KLHL5: variants seen among roughly 807,000 people sequenced by gnomAD.
The protein encoded by KLHL5 is kelch like family member 5.
KLHL5 carries 48 observed loss-of-function variants against 77.7 expected under a neutral mutation model. That is an observed-to-expected ratio of 0.62 (90% CI 0.49 to 0.79). The LOEUF (loss-of-function observed/expected upper bound fraction) is 0.79, where lower values mean the gene tolerates loss of function less well. Ranked by LOEUF, KLHL5 falls within the 30% of genes least tolerant of loss-of-function variation. KLHL5 has a pLI of 0.00. For synonymous variants in KLHL5, 260 were observed against 297.0 expected, an observed-to-expected ratio of 0.88 and a Z score of 1.28; for missense variants, 723 against 859.7, an observed-to-expected ratio of 0.84 and a Z score of 1.99.
chr4:39,086,478 G>A (rs1720047060), intron 4 of KLHL5, 37 bp from the exon 5 acceptor site: 2 of 1,516,706 alleles, frequency 1.3e-6, no homozygotes, highest in Non-Finnish European at 1.8e-6. Context: ...AAGGTCAGAA[G>A]GAACAATATT....
rs961431545 is a variant in KLHL5, at chr4:39,081,558, G to T, written c.703+319G>T. ...TTATGCCTGTAAATCCCAGCACTTC[G>T]GGAAGCCAAGGCAGGACGGATGATC... On this transcript the variant is annotated intron_variant, in intron 3 of 10. Coordinates refer to ENST00000504108, the MANE Select transcript of KLHL5 (RefSeq NM_015990.5). This position sits in a 1 kb window ranked among gnomAD's most constrained non-coding sequence, Gnocchi z 4.3. Among the ~76,000 whole-genome samples, 1 of 151,890 alleles carries T rather than the reference G, an allele frequency of 6.6e-6. No homozygotes were observed. The highest frequency in any genetic ancestry group is 1.9e-4 in the East Asian group (1 of 5,196).
intron 1 of KLHL5, 113 bp downstream of exon 1, chr4:39,063,148 C>A: frequency 5.9e-6 from 4 of 682,984 alleles, no homozygotes; most frequent in East Asian, 3.0e-5. Flanking sequence ...CATCTGCATA[C>A]ATATATATAA....
Position 39,122,171 on chromosome 4 carries a change from C to A in KLHL5, c.*1105C>A, listed in dbSNP as rs1723247252. 6.6e-6 allele frequency: 1 copy of A among 152,514 alleles called. No individual in the cohort carries two copies. The highest frequency in any genetic ancestry group is 1.5e-5 in the Non-Finnish European group (1 of 68,038). The allele number at this position is 152,514 out of a possible 1,614,324, so 9.4% of individuals were successfully genotyped here. On this transcript the variant is annotated 3_prime_UTR_variant, in exon 11 of 11. Coordinates refer to ENST00000504108, the MANE Select transcript of KLHL5 (RefSeq NM_015990.5). Reference sequence around the variant, plus strand: ...TTATTGTTTGCAAAAATGCACTGGGCAGTAACATTTTGTGATAAATCCTAT... The same window carrying A: ...TTATTGTTTGCAAAAATGCACTGGGAAGTAACATTTTGTGATAAATCCTAT...
At chr4:39,095,166 A>T (rs28533189) in intron 5 of KLHL5, among the ~76,000 whole-genome samples, 2,739 of 152,308 alleles carry the variant, frequency 0.018, 86 homozygotes, top group African/African-American at 0.062. Flanking sequence ...AAAGAGGCAG[A>T]TAAAGGAAGA....
chr4:39,121,351 T>G lies in KLHL5; in HGVS notation c.*285T>G. On this transcript the variant is annotated 3_prime_UTR_variant, in exon 11 of 11. Transcript: ENST00000504108. ...TGCACTGCTCTGGAACATAACCCAGTGCTAACTGGGGGTTTCATTTATTCA... is the reference window on the plus strand; with the variant it reads ...TGCACTGCTCTGGAACATAACCCAGGGCTAACTGGGGGTTTCATTTATTCA... The G allele has an allele frequency of 2.6e-6, 1 of 384,946 alleles. No individual in the cohort carries two copies. The highest frequency in any genetic ancestry group is 4.7e-5 in the East Asian group (1 of 21,066). The allele number at this position is 384,946 out of a possible 1,614,324, so 23.8% of individuals were successfully genotyped here.
chr4:39,113,376 G>T (rs1253162379), intron 9 of KLHL5, 144 bp downstream of exon 9: 6 of 639,628 alleles, frequency 9.4e-6, no homozygotes, highest in Non-Finnish European at 1.6e-5. Context: ...ATAACAGCCT[G>T]CTCTCACAGG....
chr4:39,079,191 C>T (rs1356471812), intron 2 of KLHL5, among the ~76,000 whole-genome samples: 1 of 152,174 alleles, frequency 6.6e-6, no homozygotes, highest in Non-Finnish European at 1.5e-5. Flanking sequence ...ATGCAAAAGC[C>T]TCCCAACTGG....
At chr4:39,112,266 G>T (rs962080708) in intron 8 of KLHL5, among the ~76,000 whole-genome samples, 1 of 152,142 alleles carries the variant, frequency 6.6e-6, no homozygotes, top group East Asian at 1.9e-4. Flanking sequence ...CATTTAGGTT[G>T]CTCACATGAT....
the KLHL5 span, among the ~76,000 whole-genome samples, chr4:39,140,161 C>T: frequency 2.0e-5 from 3 of 151,916 alleles, no homozygotes; most frequent in African/African-American, 4.8e-5. Flanking sequence ...CCCAGGAGGT[C>T]GAGGCTGCCA....
chr4:39,080,865 G>A (rs1719552290), intron 2 of KLHL5, among the ~76,000 whole-genome samples: 1 of 152,102 alleles, frequency 6.6e-6, no homozygotes, highest in Admixed American at 6.6e-5. Flanking sequence ...TTTTCTGGAT[G>A]TCATATAGCA....
At chr4:39,048,835 G>GGATTTA (rs1351129073) in intron 1 of KLHL5, among the ~76,000 whole-genome samples, 1 of 151,734 alleles carries the variant, frequency 6.6e-6, no homozygotes, top group Non-Finnish European at 1.5e-5. Flanking sequence ...GTAGAGACGG[G>GGATTTA]GTTTCATCAT....
At chr4:39,108,379 C>G (rs983609230) in intron 8 of KLHL5, among the ~76,000 whole-genome samples, 7 of 151,968 alleles carry the variant, frequency 4.6e-5, no homozygotes, top group African/African-American at 1.7e-4. Context: ...GTACCTTTTG[C>G]TCATTTAGAA....
chr4:39,068,758 A>T lies in KLHL5; in HGVS notation c.383+5723A>T, dbSNP rs188308785. 9.9e-5 allele frequency among the ~76,000 whole-genome samples: 15 copies of T among 150,838 alleles called. No individual in the cohort carries two copies. The East Asian group carries it at 2.9e-3, about 30-fold the overall frequency. On this transcript the variant is annotated intron_variant, in intron 1 of 10. Transcript: ENST00000504108. ...TCACATTTTATTTTACCTGTGTTTC[A>T]CTTGGAACTAGAGAGTGAAGTTTTA...
chr4:39,111,980 A>G (rs1208567127), intron 8 of KLHL5, among the ~76,000 whole-genome samples: 1 of 152,184 alleles, frequency 6.6e-6, no homozygotes, highest in Non-Finnish European at 1.5e-5. Flanking sequence ...GAGAAATGAT[A>G]AAAACAGTTA....
At chr4:39,126,304 A>G (rs1560449505), downstream of KLHL5, among the ~76,000 whole-genome samples, 1 of 152,240 alleles carries the variant, frequency 6.6e-6, no homozygotes, top group Non-Finnish European at 1.5e-5. Flanking sequence ...ATGAAAAATT[A>G]CAGGCTACTT....
chr4:39,126,276 T>C (rs1723538820), downstream of KLHL5, among the ~76,000 whole-genome samples: 1 of 152,022 alleles, frequency 6.6e-6, no homozygotes, highest in Admixed American at 6.6e-5. Flanking sequence ...TTAACTGGAG[T>C]AAAAAAAATC....
chr4:39,103,026 G>A (rs1424033171), intron 6 of KLHL5, among the ~76,000 whole-genome samples: 1 of 151,942 alleles, frequency 6.6e-6, no homozygotes, highest in African/African-American at 2.4e-5. Context: ...CCCGCTTCTG[G>A]GTGTTGTTTC....
downstream of KLHL5, chr4:39,126,756 G>T (rs1723569042): frequency 2.2e-6 from 1 of 455,358 alleles, no homozygotes; most frequent in African/African-American, 2.0e-5. Context: ...AGACCATCTG[G>T]AGGCAAAACT....
At chr4:39,049,496 G>T (rs1182914787) in intron 1 of KLHL5, among the ~76,000 whole-genome samples, 1 of 152,050 alleles carries the variant, frequency 6.6e-6, no homozygotes, top group Non-Finnish European at 1.5e-5. Context: ...GACCAATCTG[G>T]ACAACGTAGT....
Sources: gnomAD v4.1 joint callset for allele counts (sites outside exome capture counted in the v4.1 genomes callset) on GRCh38, gnomAD v4.1.1 for gene constraint, Gnocchi (gnomAD v3.1) non-coding constraint, MANE v1.5 for transcripts, NCBI Gene and HGNC (gene_info 2026-07-23, HGNC 2026-07-21) for gene names.